GRAMD4: variants seen among roughly 807,000 people sequenced by gnomAD.
The protein encoded by GRAMD4 is GRAM domain containing 4.
A neutral mutation model predicts 83.9 loss-of-function variants in GRAMD4; 25 were observed. The observed-to-expected ratio is 0.30, with a 90% CI of 0.22 to 0.42. The LOEUF is 0.42. GRAMD4 is among the 10% of genes least tolerant of loss of function. The pLI is 1.00. For synonymous variants in GRAMD4, 336 were observed against 320.9 expected (o/e 1.05, Z -0.50); for missense variants, 593 against 788.7 (o/e 0.75, Z 2.97).
At chr22:46,579,962 G>A (rs1225461803) in intron 1 of GRAMD4, among the ~76,000 whole-genome samples, 1 of 152,182 alleles carries the variant, frequency 6.6e-6, no homozygotes, top group Admixed American at 6.5e-5. Context: ...TGGGAGGGAA[G>A]ACACCAGGGA....
chr22:46,674,492 G>C (rs796784079), intron 15 of GRAMD4, 165 bp from the exon 16 acceptor site: 1 of 661,248 alleles, frequency 1.5e-6, no homozygotes, highest in Non-Finnish European at 2.8e-6. Flanking sequence ...TCCACCCTCT[G>C]GGGCCACCTC....
intron 2 of GRAMD4, among the ~76,000 whole-genome samples, chr22:46,634,208 G>A (rs2081823236): frequency 1.3e-5 from 2 of 152,222 alleles, no homozygotes; most frequent in Admixed American, 1.3e-4. Flanking sequence ...GAGGTGCCTG[G>A]CTGCTGGGTC....
Position 46,621,493 on chromosome 22 carries a change from C to G in GRAMD4, c.-50+928C>G, listed in dbSNP as rs1055898317. ...CGCAGGCTGGAGGCGTAGCCCGGGCCCATCCCTGGCGGTGTGTCGCGGAGG... is the reference window on the plus strand; with the variant it reads ...CGCAGGCTGGAGGCGTAGCCCGGGCGCATCCCTGGCGGTGTGTCGCGGAGG... On this transcript the variant is annotated intron_variant, in intron 1 of 18. Transcript: ENST00000406902. The surrounding 1 kb of genome is among the most constrained non-coding windows in gnomAD (Gnocchi z 5.8). Among the ~76,000 whole-genome samples, 2 of 151,484 alleles carry G rather than the reference C, an allele frequency of 1.3e-5. No individual in the cohort carries two copies. Among genetic ancestry groups the G allele is most frequent in the South Asian group, 2.1e-4 (1 of 4,810 alleles).
intron 3 of GRAMD4, among the ~76,000 whole-genome samples, chr22:46,646,162 A>T (rs2082069339): frequency 6.6e-6 from 1 of 152,136 alleles, no homozygotes; most frequent in African/African-American, 2.4e-5. Flanking sequence ...CCCCTAGGCT[A>T]CCACGCCCTG....
chr22:46,617,502 TGTGTAGGTTCCCTTGTGC>T (rs369139836), upstream of GRAMD4, among the ~76,000 whole-genome samples: 669 of 151,894 alleles, frequency 4.4e-3, 3 homozygotes, highest in African/African-American at 0.014. Flanking sequence ...GGTTTCCCCG[TGTGTAGGTTCCCTTGTGC>T]GTGTAGGTTC....
intron 1 of GRAMD4, among the ~76,000 whole-genome samples, chr22:46,612,818 G>A (rs1175666408): frequency 6.6e-6 from 1 of 152,242 alleles, no homozygotes; most frequent in African/African-American, 2.4e-5. Context: ...GTGGGTGGCC[G>A]AAGGCTGCTG....
At chr22:46,626,605 T>TG (rs2081663851) in intron 1 of GRAMD4, 146 bp from the exon 2 acceptor site, 1 of 544,588 alleles carries the variant, frequency 1.8e-6, no homozygotes, top group Non-Finnish European at 3.2e-6. Flanking sequence ...GGCTTGGAGG[T>TG]GTGTGTGGGA....
chr22:46,673,136 G>GT (rs764854242), intron 14 of GRAMD4, 139 bp downstream of exon 14: 4,772 of 662,316 alleles, frequency 7.2e-3, no homozygotes, highest in South Asian at 0.01. Context: ...AAACTTGAGG[G>GT]TTTTTTTTTT....
Position 46,586,023 on chromosome 22 carries a change from A to G in GRAMD4, c.-50+8733A>G, listed in dbSNP as rs569521386. Among the ~76,000 whole-genome samples the G allele has an allele frequency of 3.3e-5, 5 of 152,122 alleles. No homozygotes were observed. The East Asian group carries it at 9.7e-4, about 30-fold the overall frequency. Reference sequence around the variant, plus strand: ...GCCCTTGTCTCTGTGCTATGGGGCTAGGCCCTCCCATGACCCCCACGTTTC... The same window carrying G: ...GCCCTTGTCTCTGTGCTATGGGGCTGGGCCCTCCCATGACCCCCACGTTTC... On this transcript the variant is annotated intron_variant, in intron 1 of 1. Transcript: ENST00000431155.
chr22:46,674,559 A>G (rs1256502002), intron 15 of GRAMD4, 98 bp from the exon 16 acceptor site: 1 of 863,144 alleles, frequency 1.2e-6, no homozygotes. Context: ...CGGTGGGCGG[A>G]TGTCAGGATC....
chr22:46,673,576 C>T, intron 14 of GRAMD4, 94 bp from the exon 15 acceptor site: 1 of 1,459,620 alleles, frequency 6.9e-7, no homozygotes, highest in South Asian at 1.2e-5. Flanking sequence ...AAATTTGGAT[C>T]CCAGCTTTTG....
intron 5 of GRAMD4, among the ~76,000 whole-genome samples, chr22:46,661,993 G>T (rs1049985970): frequency 6.6e-6 from 1 of 152,208 alleles, no homozygotes; most frequent in African/African-American, 2.4e-5. Flanking sequence ...TCCAGCCCCC[G>T]CCTGGCTTCA....
intron 3 of GRAMD4, among the ~76,000 whole-genome samples, chr22:46,648,527 G>A (rs928652252): frequency 8.6e-5 from 13 of 151,608 alleles, no homozygotes; most frequent in Admixed American, 8.5e-4. Flanking sequence ...ATAGACAGAT[G>A]GGTGGGTGAA....
intron 1 of GRAMD4, among the ~76,000 whole-genome samples, chr22:46,577,819 G>A (rs1477099750): frequency 6.6e-6 from 1 of 152,246 alleles, no homozygotes; most frequent in African/African-American, 2.4e-5. Flanking sequence ...TGTTCGGGAT[G>A]TTGAGCTCAT....
chr22:46,661,463 G>A (rs751833926), intron 5 of GRAMD4, 21 bp downstream of exon 5: 3 of 1,583,180 alleles, frequency 1.9e-6, no homozygotes, highest in African/African-American at 1.3e-5. Flanking sequence ...GTGGGCGGGT[G>A]GACAGGCAGG....
At chr22:46,584,503 C>G (rs924737227) in intron 1 of GRAMD4, among the ~76,000 whole-genome samples, 3 of 152,194 alleles carry the variant, frequency 2.0e-5, no homozygotes, top group Non-Finnish European at 4.4e-5. Context: ...CAATTCGTGT[C>G]TATTCAAGCA....
intron 2 of GRAMD4, among the ~76,000 whole-genome samples, chr22:46,628,097 G>T (rs1304290431): frequency 1.3e-5 from 2 of 152,216 alleles, no homozygotes; most frequent in Admixed American, 6.5e-5. Flanking sequence ...CTCCGATGGT[G>T]GTCTGTGTGC....
chr22:46,581,341 C>T (rs888459480), intron 1 of GRAMD4, among the ~76,000 whole-genome samples: 4 of 152,356 alleles, frequency 2.6e-5, no homozygotes, highest in East Asian at 1.9e-4. Flanking sequence ...GCAGAGCACA[C>T]AGCTTCACCC....
In GRAMD4 at chr22:46,600,939, T is replaced by C. The variant is rs1454262122; in HGVS notation, c.-50+23649T>C. 2.0e-5 allele frequency among the ~76,000 whole-genome samples: 3 copies of C among 151,252 alleles called. No homozygotes were observed. In the East Asian group the frequency reaches 5.8e-4, roughly 29 times the overall value. On this transcript the variant is annotated intron_variant, in intron 1 of 1. Coordinates refer to the GRAMD4 transcript ENST00000431155. ...GGCAGGCGGATCACAAGGTCAGGAG[T>C]TCAAGACCAGCTTGGCCAATATGGT...
Sources: gnomAD v4.1 joint callset for allele counts (sites outside exome capture counted in the v4.1 genomes callset) on GRCh38, gnomAD v4.1.1 for gene constraint, Gnocchi (gnomAD v3.1) non-coding constraint, MANE v1.5 for transcripts, NCBI Gene and HGNC (gene_info 2026-07-23, HGNC 2026-07-21) for gene names.